Variants in ADGRA3 observed in about 807,000 individuals in gnomAD.
The protein encoded by ADGRA3 is G-protein coupled receptor 125.
ADGRA3 carries 56 observed loss-of-function variants against 119.8 expected under a neutral mutation model. The observed-to-expected ratio is 0.47, with a 90% CI of 0.38 to 0.58. ADGRA3 has a LOEUF of 0.58. Among genes scored for constraint, ADGRA3 ranks in the 20% least tolerant of loss-of-function variants. The pLI is 0.00. For synonymous variants in ADGRA3, 607 were observed against 623.8 expected (o/e 0.97, Z 0.40); for missense variants, 1,516 against 1,649.0 (o/e 0.92, Z 1.40).
chr4:22,403,645 G>A (rs776256788), intron 14 of ADGRA3, among the ~76,000 whole-genome samples: 16 of 152,082 alleles, frequency 1.1e-4, no homozygotes, highest in African/African-American at 3.1e-4. Context: ...GTAGGCTGAG[G>A]TTGGGAGGAT....
chr4:22,489,477 TC>T (rs1335179969), intron 1 of ADGRA3, among the ~76,000 whole-genome samples: 1 of 151,868 alleles, frequency 6.6e-6, no homozygotes, highest in Non-Finnish European at 1.5e-5. Flanking sequence ...CATGTATGTT[TC>T]CCCACAACAA....
intron 14 of ADGRA3, among the ~76,000 whole-genome samples, chr4:22,407,273 A>G (rs1256825604): frequency 6.6e-6 from 1 of 152,208 alleles, no homozygotes; most frequent in East Asian, 1.9e-4. Flanking sequence ...TCCGCCTCAA[A>G]AAGAAAAAGA....
intron 1 of ADGRA3, among the ~76,000 whole-genome samples, chr4:22,485,325 G>A (rs1372859131): frequency 6.6e-6 from 1 of 152,100 alleles, no homozygotes; most frequent in Non-Finnish European, 1.5e-5. Context: ...AAAGTGCTAG[G>A]ATTACAGGTG....
At position 22,438,360 on chromosome 4, in the gene ADGRA3, C is replaced by A. The variant is rs1716478446; in HGVS notation, c.981G>T (p.Gln327His). ...GSTGNWGCHV[Q>H]TKRGNNTRTV... ...TCCTCGTATTATTCCCACGTTTGGT[C>A]TGGACATGACAGCCCCAATTTCCAG... Residue 327 changes from glutamine (Q) to histidine (H), a missense_variant, in exon 8 of 19, where the codon CAG becomes CAT. Gln to His is a conservative substitution (Grantham distance 24). Coordinates refer to ENST00000334304, the MANE Select transcript of ADGRA3 (RefSeq NM_145290.4). 3 of 1,613,636 alleles carry A rather than the reference C, an allele frequency of 1.9e-6. No individual in the cohort carries two copies. The highest frequency in any genetic ancestry group is 1.3e-5 in the African/African-American group (1 of 74,894).
intron 6 of ADGRA3, chr4:22,443,162 G>A (rs975212802): frequency 3.1e-6 from 2 of 641,232 alleles, no homozygotes; most frequent in Admixed American, 6.0e-5. Context: ...CTGTGCTCTA[G>A]AAAATGGCAT....
chr4:22,404,917 C>T (rs1714838114), intron 14 of ADGRA3, among the ~76,000 whole-genome samples: 1 of 152,198 alleles, frequency 6.6e-6, no homozygotes, highest in South Asian at 2.1e-4. Context: ...GAACTAATAA[C>T]TGAGGATAAA....
chr4:22,402,715 A>C lies in ADGRA3; in HGVS notation c.2317T>G (p.Cys773Gly). 1 of 1,613,908 alleles carries C rather than the reference A, an allele frequency of 6.2e-7. No homozygotes were observed. Among genetic ancestry groups the C allele is most frequent in the Non-Finnish European group, 8.5e-7 (1 of 1,179,824 alleles). ...VYTTAIILLL[C>G]LLAVIVSYIY... ...TAACTGACAATGACGGCTAAGAGAC[A>C]TAAGAGGAGAATGATAGCGGTAGTA... The change falls in exon 15 of 19, where the codon TGT (cysteine) becomes GGT (glycine). Residue 773 changes from cysteine to glycine, a missense_variant. Transcript: ENST00000334304.
chr4:22,460,854 T>A (rs1717420265), intron 3 of ADGRA3, among the ~76,000 whole-genome samples: 1 of 152,166 alleles, frequency 6.6e-6, no homozygotes, highest in Admixed American at 6.5e-5. Context: ...AGTCAGGGCA[T>A]GGTAAGTGGC....
chr4:22,438,143 CAT>C, intron 8 of ADGRA3, 111 bp downstream of exon 8: 2 of 746,624 alleles, frequency 2.7e-6, no homozygotes, highest in Non-Finnish European at 4.5e-6. Context: ...AGTCCTCAGA[CAT>C]GTGCAGTTCT....
intron 3 of ADGRA3, among the ~76,000 whole-genome samples, chr4:22,458,020 C>G (rs1717301319): frequency 6.6e-6 from 1 of 152,166 alleles, no homozygotes; most frequent in Admixed American, 6.5e-5. Context: ...AAGGACCTGA[C>G]AGTATTATTT....
intron 12 of ADGRA3, among the ~76,000 whole-genome samples, chr4:22,418,611 C>T (rs745517834): frequency 9.2e-5 from 14 of 152,000 alleles, no homozygotes; most frequent in African/African-American, 2.7e-4. Flanking sequence ...AGAGGGAAGA[C>T]GTCAAATGAT....
chr4:22,398,219 T>C, intron 16 of ADGRA3: 6 of 802,606 alleles, frequency 7.5e-6, no homozygotes, highest in African/African-American at 1.9e-5. Flanking sequence ...GTAACATTTA[T>C]TGAACAGTTA....
At chr4:22,424,166 G>C (rs747322822) in intron 11 of ADGRA3, 25 bp downstream of exon 11, 1 of 1,573,644 alleles carries the variant, frequency 6.4e-7, no homozygotes, top group Non-Finnish European at 8.7e-7. Context: ...TTTTTCTCAG[G>C]AGTCTATGAT....
intron 11 of ADGRA3, 39 bp from the exon 12 acceptor site, chr4:22,421,128 T>C: frequency 1.9e-6 from 3 of 1,553,530 alleles, no homozygotes; most frequent in Non-Finnish European, 1.8e-6. Flanking sequence ...GAACGATTTA[T>C]AGCACAAAGG....
At chr4:22,507,098 G>A (rs757415211) in intron 1 of ADGRA3, among the ~76,000 whole-genome samples, 41 of 151,820 alleles carry the variant, frequency 2.7e-4, no homozygotes, top group Admixed American at 1.1e-3. Context: ...AAATTAGCCG[G>A]GCATGGTGGC....
intron 15 of ADGRA3, among the ~76,000 whole-genome samples, chr4:22,401,773 C>T (rs1268564043): frequency 6.6e-6 from 1 of 152,012 alleles, no homozygotes; most frequent in Non-Finnish European, 1.5e-5. Context: ...TAACTTTATG[C>T]ACTTAAAAAC....
intron 1 of ADGRA3, among the ~76,000 whole-genome samples, chr4:22,476,160 T>A (rs925282111): frequency 1.3e-5 from 2 of 152,078 alleles, no homozygotes; most frequent in Non-Finnish European, 2.9e-5. Context: ...TTGTTGTTTT[T>A]AAAAAGCAGT....
At chr4:22,414,557 C>G (rs1267730955) in intron 12 of ADGRA3, 1 of 683,870 alleles carries the variant, frequency 1.5e-6, no homozygotes, top group East Asian at 2.7e-5. Context: ...CAATCTTTTT[C>G]TTGGCTTCTA....
intron 1 of ADGRA3, among the ~76,000 whole-genome samples, chr4:22,504,068 A>T (rs1379257078): frequency 6.6e-6 from 1 of 152,164 alleles, no homozygotes; most frequent in Admixed American, 6.5e-5. Context: ...AATAGAATGA[A>T]GCCTAAATTG....
Sources: gnomAD v4.1 joint callset for allele counts (sites outside exome capture counted in the v4.1 genomes callset) on GRCh38, gnomAD v4.1.1 for gene constraint, MANE v1.5 for transcripts, NCBI Gene and HGNC (gene_info 2026-07-23, HGNC 2026-07-21) for gene names.